Variants in SRBD1 observed in about 807,000 individuals in gnomAD.
SRBD1 encodes the protein S1 RNA-binding domain-containing protein 1.
SRBD1 carries 88 observed loss-of-function variants against 115.3 expected under a neutral mutation model. The observed-to-expected ratio is 0.76, with a 90% CI of 0.64 to 0.91. SRBD1 has a LOEUF of 0.91. Among genes scored for constraint, SRBD1 ranks in the 40% least tolerant of loss-of-function variants. SRBD1 has a pLI of 0.00. For missense variants in SRBD1, 1,385 were observed against 1,177.4 expected (o/e 1.18, Z -2.58); for synonymous variants, 509 against 407.7 (o/e 1.25, Z -2.99).
At chr2:45,584,981 T>C (rs1673473109) in intron 5 of SRBD1, among the ~76,000 whole-genome samples, 2 of 152,008 alleles carry the variant, frequency 1.3e-5, no homozygotes, top group African/African-American at 4.8e-5. Flanking sequence ...CAAAACCCTG[T>C]CTCTACTAAA....
intron 16 of SRBD1, among the ~76,000 whole-genome samples, chr2:45,469,654 A>G (rs1452163363): frequency 6.6e-6 from 1 of 152,194 alleles, no homozygotes; most frequent in Non-Finnish European, 1.5e-5. Flanking sequence ...TGAAGGGAAA[A>G]ATACCCAGAA....
chr2:45,547,677 T>G, intron 12 of SRBD1, 65 bp from the exon 13 acceptor site: 1 of 1,375,630 alleles, frequency 7.3e-7, no homozygotes, highest in Non-Finnish European at 1.0e-6. Flanking sequence ...ATGAATGATT[T>G]TGTTAAGCAA....
At chr2:45,580,511 ATTTTT>A (rs1227093467) in intron 6 of SRBD1, among the ~76,000 whole-genome samples, 5 of 85,774 alleles carry the variant, frequency 5.8e-5, no homozygotes, top group Admixed American at 1.4e-4. Context: ...ACGTCCAGCT[ATTTTT>A]TTTTTTTTTT....
At chr2:45,554,632 T>A (rs6734588) in intron 10 of SRBD1, among the ~76,000 whole-genome samples, 2 of 151,824 alleles carry the variant, frequency 1.3e-5, no homozygotes, top group Non-Finnish European at 2.9e-5. Flanking sequence ...GAAGAGAAAA[T>A]CACAAGCTAA....
chr2:45,543,806 G>C (rs768281858), intron 14 of SRBD1, among the ~76,000 whole-genome samples: 2 of 152,100 alleles, frequency 1.3e-5, no homozygotes, highest in Non-Finnish European at 2.9e-5. Context: ...AGTGTAAGTA[G>C]AGTTAAATCA....
intron 16 of SRBD1, among the ~76,000 whole-genome samples, chr2:45,440,658 T>G (rs1449325227): frequency 1.3e-5 from 2 of 152,296 alleles, no homozygotes; most frequent in East Asian, 3.9e-4. Flanking sequence ...TTTTAGAGAT[T>G]TATAGCTTAG....
chr2:45,572,638 G>A (rs1247094815), intron 9 of SRBD1, among the ~76,000 whole-genome samples: 1 of 151,946 alleles, frequency 6.6e-6, no homozygotes, highest in African/African-American at 2.4e-5. Flanking sequence ...ACTGATAAAT[G>A]TCATGATATA....
At chr2:45,446,695 A>G (rs1470649212) in intron 16 of SRBD1, among the ~76,000 whole-genome samples, 2 of 151,620 alleles carry the variant, frequency 1.3e-5, no homozygotes, top group Admixed American at 6.6e-5. Context: ...GCATATCAAG[A>G]TGGAAAAAAA....
chr2:45,452,624 A>C (rs1184336789), intron 16 of SRBD1, among the ~76,000 whole-genome samples: 1 of 152,052 alleles, frequency 6.6e-6, no homozygotes, highest in Non-Finnish European at 1.5e-5. Flanking sequence ...TAAGATAGCT[A>C]AGTCTTGGCA....
chr2:45,389,032 A>T lies in SRBD1; in HGVS notation c.*278T>A, dbSNP rs972211891. The stretch of plus-strand genomic sequence containing the variant: ...AAAATGCAAAAGGAGTTAAAGATAA[A>T]TTACAAAAAATAAAAAACAAAATTT... On this transcript the variant is annotated 3_prime_UTR_variant, in exon 21 of 21. Coordinates refer to ENST00000263736, the MANE Select transcript of SRBD1 (RefSeq NM_018079.5). The T allele has an allele frequency of 8.2e-6, 3 of 365,516 alleles. No individual in the cohort carries two copies. Among genetic ancestry groups the T allele is most frequent in the Non-Finnish European group, 1.5e-5 (3 of 204,046 alleles). 22.6% of individuals were successfully genotyped at this position (365,516 alleles called of 1,614,324 possible).
intron 14 of SRBD1, among the ~76,000 whole-genome samples, chr2:45,498,247 TCTC>T (rs1342866184): frequency 6.6e-6 from 1 of 152,206 alleles, no homozygotes; most frequent in Admixed American, 6.5e-5. Context: ...AATTGGTTTG[TCTC>T]CTTACTAGTG....
chr2:45,552,020 A>C (rs1342785499), intron 11 of SRBD1, among the ~76,000 whole-genome samples: 9 of 152,330 alleles, frequency 5.9e-5, no homozygotes, highest in Non-Finnish European at 1.5e-5. Flanking sequence ...GGGAGGAAAA[A>C]TTCAAGTTAT....
chr2:45,402,405 T>C (rs1667315503), intron 19 of SRBD1, among the ~76,000 whole-genome samples: 1 of 152,170 alleles, frequency 6.6e-6, no homozygotes, highest in Non-Finnish European at 1.5e-5. Context: ...CTTTTCAACA[T>C]TGATTGTAAG....
intron 15 of SRBD1, 75 bp from the exon 16 acceptor site, chr2:45,477,150 C>A: frequency 8.2e-7 from 1 of 1,214,370 alleles, no homozygotes; most frequent in Non-Finnish European, 1.2e-6. Context: ...ACATTAGTTT[C>A]TCATAATGTA....
rs1301729848 is a variant in SRBD1 at position 45,413,426 on chromosome 2, C to G, written c.2334-133G>C. The stretch of plus-strand genomic sequence containing the variant: ...GCAACCAGATTTTGACCTTTTACTT[C>G]ATAGAAACTACCACTTATTTGTTTA... On this transcript the variant is annotated intron_variant, in intron 18 of 20. Coordinates refer to ENST00000263736, the MANE Select transcript of SRBD1 (RefSeq NM_018079.5). The G allele has an allele frequency of 4.0e-6, 4 of 996,420 alleles. No homozygotes were observed. The Admixed American group carries it at 1.1e-4, about 29-fold the overall frequency. 61.7% of individuals were successfully genotyped at this position (996,420 alleles called of 1,614,324 possible). A position where few individuals can be genotyped will look rare whatever the true frequency, so the allele number is the denominator to read the frequency against.
chr2:45,450,330 G>C (rs957137), intron 16 of SRBD1, among the ~76,000 whole-genome samples: 121,328 of 152,078 alleles, frequency 0.8, 49,152 homozygotes, highest in African/African-American at 0.91. Flanking sequence ...GTTTATAGCA[G>C]ATTTCCCTTG....
Position 45,498,904 on chromosome 2 carries a change from C to T in SRBD1, c.1875-10573G>A, listed in dbSNP as rs563336870. Among the ~76,000 whole-genome samples the T allele has an allele frequency of 2.6e-5, 4 of 152,290 alleles. No homozygotes were observed. In the East Asian group the frequency reaches 7.7e-4, roughly 29 times the overall value. The stretch of plus-strand genomic sequence containing the variant: ...CTTTATCCATTCATCAGCTGACAGA[C>T]ACTTAGATTGATTCCATATCTTGGC... On this transcript the variant is annotated intron_variant, in intron 14 of 20. Transcript: ENST00000263736.
Position 45,562,706 on chromosome 2 carries a change from G to T in SRBD1, c.1356C>A (p.Val452=), listed in dbSNP as rs773640317. ...GENLKVLTVK[V]NISDGVKDEF... ...CATCCTTCACTCCATCAGAAATATT[G>T]ACCTTAACCGTCAGTACCTTCAAAT... is the stretch of plus-strand genomic sequence containing the variant. The change falls in exon 10 of 21, where the codon GTC becomes GTA. Residue 452 remains valine, a synonymous_variant. Coordinates refer to ENST00000263736, the MANE Select transcript of SRBD1 (RefSeq NM_018079.5). 6 of 1,612,552 alleles carry T rather than the reference G, an allele frequency of 3.7e-6. No individual in the cohort carries two copies. The South Asian group carries it at 6.6e-5, about 18-fold the overall frequency.
intron 9 of SRBD1, among the ~76,000 whole-genome samples, chr2:45,565,736 G>C (rs775880256): frequency 1.6e-4 from 25 of 152,150 alleles, no homozygotes; most frequent in Admixed American, 5.2e-4. Context: ...AGGGTATCTA[G>C]AATATATTTA....
Sources: allele counts gnomAD v4.1 joint callset (sites outside exome capture counted in the v4.1 genomes callset), GRCh38; gene constraint gnomAD v4.1.1; transcripts MANE v1.5; gene names NCBI Gene and HGNC (gene_info 2026-07-23, HGNC 2026-07-21).